Variants in ABLIM2 observed in about 807,000 individuals in gnomAD.
ABLIM2 encodes actin-binding LIM protein 2.
In ABLIM2, 53 loss-of-function variants were observed where a neutral mutation model predicts 97.7. The observed-to-expected ratio is 0.54, with a 90% CI of 0.44 to 0.68. The LOEUF (loss-of-function observed/expected upper bound fraction) is 0.68, where lower values mean the gene tolerates loss of function less well. Ranked by LOEUF, ABLIM2 falls within the 30% of genes least tolerant of loss-of-function variation. ABLIM2 has a pLI of 0.00. For synonymous variants in ABLIM2, 361 were observed against 345.8 expected, an observed-to-expected ratio of 1.04 and a Z score of -0.49; for missense variants, 835 against 867.2, an observed-to-expected ratio of 0.96 and a Z score of 0.47.
At chr4:8,114,232 C>T (rs1005229249) in intron 1 of ABLIM2, among the ~76,000 whole-genome samples, 3 of 152,094 alleles carry the variant, frequency 2.0e-5, no homozygotes, top group Non-Finnish European at 4.4e-5. Flanking sequence ...GTGTGCTCAG[C>T]CAGTCCTTGC....
chr4:8,053,099 G>C (rs1199324869), intron 8 of ABLIM2, among the ~76,000 whole-genome samples: 1 of 152,202 alleles, frequency 6.6e-6, no homozygotes, highest in Non-Finnish European at 1.5e-5. Flanking sequence ...TAAGCTAAAG[G>C]GAAAAGTCCA....
intron 1 of ABLIM2, among the ~76,000 whole-genome samples, chr4:8,141,388 G>A (rs1453549993): frequency 1.3e-5 from 2 of 152,076 alleles, no homozygotes; most frequent in Non-Finnish European, 2.9e-5. Context: ...AGCCACACAT[G>A]CCTCCTTCAC....
In ABLIM2 at chr4:8,004,468, G is replaced by A. The variant is rs929381190; in HGVS notation, c.1618+3591C>T. Among the ~76,000 whole-genome samples, 6 of 152,256 alleles carry A rather than the reference G, an allele frequency of 3.9e-5. 1 individual carries two copies. The highest frequency in any genetic ancestry group is 4.1e-4 in the South Asian group (2 of 4,820). ...TGGAGGAAAGGGTCTTATTCCCTTC[G>A]GAAGTGCTGGGTCCTTTCTAGGGGC... On this transcript the variant is annotated intron_variant, in intron 16 of 20. Coordinates refer to ENST00000447017, the MANE Select transcript of ABLIM2 (RefSeq NM_001130083.2). The surrounding 1 kb of genome is among the most constrained non-coding windows in gnomAD (Gnocchi z 5.9).
chr4:8,137,776 G>C (rs1284645111), intron 1 of ABLIM2, among the ~76,000 whole-genome samples: 1 of 152,232 alleles, frequency 6.6e-6, no homozygotes, highest in Admixed American at 6.5e-5. Context: ...AAAACTTAGA[G>C]ATAGAATGGC....
At position 8,054,342 on chromosome 4, in the gene ABLIM2, A is replaced by ATG; in HGVS notation, c.764-97_764-96insCA. 7.6e-7 allele frequency: 1 copy of ATG among 1,313,804 alleles called. No homozygotes were observed. The highest frequency in any genetic ancestry group is 1.1e-6 in the Non-Finnish European group (1 of 921,870). The allele number at this position is 1,313,804 out of a possible 1,614,324, so 81.4% of individuals were successfully genotyped here. ...CAGAGGAGGGAGCTGGTCCATGCACAGACGTGCACTCGGACTCCACCCTCC... is the reference window on the plus strand; with the variant it reads ...CAGAGGAGGGAGCTGGTCCATGCACATGGACGTGCACTCGGACTCCACCCTCC... On this transcript the variant is annotated intron_variant, in intron 7 of 20. Coordinates refer to ENST00000447017, the MANE Select transcript of ABLIM2 (RefSeq NM_001130083.2). The surrounding 1 kb of genome is among the most constrained non-coding windows in gnomAD (Gnocchi z 4.9).
intron 20 of ABLIM2, among the ~76,000 whole-genome samples, chr4:7,980,122 G>C (rs1736805269): frequency 6.6e-6 from 1 of 152,102 alleles, no homozygotes; most frequent in Admixed American, 6.5e-5. Flanking sequence ...GCCCTGCAAT[G>C]GCTGATTGAG....
intron 1 of ABLIM2, among the ~76,000 whole-genome samples, chr4:8,152,424 C>T (rs769226501): frequency 5.3e-5 from 8 of 152,192 alleles, no homozygotes; most frequent in East Asian, 1.9e-4. Flanking sequence ...GCGAGGACCC[C>T]GGGAGGAAAC....
At chr4:8,105,324 C>T (rs1181774817) in intron 2 of ABLIM2, among the ~76,000 whole-genome samples, 6 of 152,206 alleles carry the variant, frequency 3.9e-5, no homozygotes, top group Non-Finnish European at 5.9e-5. Context: ...CTTTTCAAAT[C>T]GTGTTGCACA....
chr4:8,051,981 C>T (rs894522250), intron 8 of ABLIM2, among the ~76,000 whole-genome samples: 19 of 152,360 alleles, frequency 1.2e-4, no homozygotes, highest in Admixed American at 3.9e-4. Context: ...TTGGGGTTCC[C>T]TGTCTTGGCT....
chr4:8,092,155 A>C (rs568747408), intron 3 of ABLIM2, among the ~76,000 whole-genome samples: 1 of 150,924 alleles, frequency 6.6e-6, no homozygotes, highest in Non-Finnish European at 1.5e-5. Context: ...CTGCCACTAC[A>C]CCTGGCTAAT....
At chr4:8,111,881 T>C (rs1296828581) in intron 1 of ABLIM2, among the ~76,000 whole-genome samples, 1 of 146,050 alleles carries the variant, frequency 6.8e-6, no homozygotes, top group Admixed American at 7.1e-5. Flanking sequence ...GAGCCAAGAT[T>C]GTGCCACAGC....
intron 1 of ABLIM2, among the ~76,000 whole-genome samples, chr4:8,135,672 G>T (rs1188063870): frequency 6.6e-6 from 1 of 152,206 alleles, no homozygotes; most frequent in Admixed American, 6.5e-5. Flanking sequence ...TAAGCCGCCG[G>T]GCTGTGATAT....
At chr4:8,152,028 T>C (rs1713040833) in intron 1 of ABLIM2, among the ~76,000 whole-genome samples, 1 of 152,130 alleles carries the variant, frequency 6.6e-6, no homozygotes, top group East Asian at 1.9e-4. Flanking sequence ...TCCTGCCTCC[T>C]GGCTCTGTGC....
chr4:7,984,917 C>T (rs181278572), intron 17 of ABLIM2, 24 bp from the exon 18 acceptor site: 41 of 1,604,872 alleles, frequency 2.6e-5, no homozygotes, highest in Middle Eastern at 3.3e-4. Flanking sequence ...AGAGGTTGGG[C>T]GGCAAGAGAC....
Position 8,071,858 on chromosome 4 carries a change from C to G in ABLIM2, c.675+5770G>C, listed in dbSNP as rs961781878. The G allele has an allele frequency of 2.1e-5, 21 of 985,334 alleles. No homozygotes were observed. The African/African-American group carries it at 3.5e-4, about 16-fold the overall frequency. 61.0% of individuals were successfully genotyped at this position (985,334 alleles called of 1,614,324 possible). ...ACGTGTGCCTGCGAGGGTGGACACC[C>G]TCACCTTCAGCCAACAGTCTGTCAC... On this transcript the variant is annotated intron_variant, in intron 6 of 20. Coordinates refer to ENST00000447017, the MANE Select transcript of ABLIM2 (RefSeq NM_001130083.2). The surrounding 1 kb of genome is among the most constrained non-coding windows in gnomAD (Gnocchi z 6.2).
In ABLIM2 at chr4:8,123,243, G is replaced by A. The variant is rs943217498; in HGVS notation, c.11-16606C>T. Among the ~76,000 whole-genome samples the A allele has an allele frequency of 3.3e-5, 5 of 152,132 alleles. No individual in the cohort carries two copies. Among genetic ancestry groups the A allele is most frequent in the Non-Finnish European group, 7.4e-5 (5 of 68,022 alleles). On this transcript the variant is annotated intron_variant, in intron 1 of 20. Coordinates refer to ENST00000447017, the MANE Select transcript of ABLIM2 (RefSeq NM_001130083.2). This position sits in a 1 kb window ranked among gnomAD's most constrained non-coding sequence, Gnocchi z 6.2. ...TCCCTGCCTGGCCCTCCCCTGTGCA[G>A]GCATGGTGTGGGCACAACAGCACCA...
At chr4:8,158,496 CG>C (rs1202407516) in intron 1 of ABLIM2, among the ~76,000 whole-genome samples, 183 bp downstream of exon 1, 1 of 152,084 alleles carries the variant, frequency 6.6e-6, no homozygotes, top group Non-Finnish European at 1.5e-5. Flanking sequence ...CTACGCGCTC[CG>C]GGCGCAGGGC....
Position 8,123,195 on chromosome 4 carries a change from T to C in ABLIM2, c.11-16558A>G, listed in dbSNP as rs941741723. On this transcript the variant is annotated intron_variant, in intron 1 of 20. Transcript: ENST00000447017. This position sits in a 1 kb window ranked among gnomAD's most constrained non-coding sequence, Gnocchi z 6.2. Reference sequence around the variant, plus strand: ...CAGAGCATTCTTCCCTGGCAGCTGGTGCCCCTTACTTGGGGTCTCTAATCC... The same window carrying C: ...CAGAGCATTCTTCCCTGGCAGCTGGCGCCCCTTACTTGGGGTCTCTAATCC... 1.7e-4 allele frequency among the ~76,000 whole-genome samples: 26 copies of C among 152,166 alleles called. No homozygotes were observed. The highest frequency in any genetic ancestry group is 1.7e-3 in the Admixed American group (26 of 15,286).
rs1757486921 is a variant in ABLIM2, at chr4:8,001,920, G to A, written c.1618+6139C>T. 6.6e-6 allele frequency among the ~76,000 whole-genome samples: 1 copy of A among 152,198 alleles called. No homozygotes were observed. Among genetic ancestry groups the A allele is most frequent in the African/African-American group, 2.4e-5 (1 of 41,446 alleles). On this transcript the variant is annotated intron_variant, in intron 16 of 20. Coordinates refer to ENST00000447017, the MANE Select transcript of ABLIM2 (RefSeq NM_001130083.2). The surrounding 1 kb of genome is among the most constrained non-coding windows in gnomAD (Gnocchi z 4.2). ...CCTGCCCGCTTGTCAGCACACACAT[G>A]TGCGTGCTCTCTCTCTCTTTTTCTT... is the stretch of plus-strand genomic sequence containing the variant.
Sources: gnomAD v4.1 joint callset for allele counts (sites outside exome capture counted in the v4.1 genomes callset) on GRCh38, gnomAD v4.1.1 for gene constraint, Gnocchi (gnomAD v3.1) non-coding constraint, MANE v1.5 for transcripts, NCBI Gene and HGNC (gene_info 2026-07-23, HGNC 2026-07-21) for gene names.